The following SAMHD1 variants were observed in gnomAD, a reference collection of about 807,000 sequenced individuals.
The protein encoded by SAMHD1 is SAM and HD domain containing deoxynucleoside triphosphate triphosphohydrolase 1, also known as deoxynucleoside triphosphate triphosphohydrolase SAMHD1.
In SAMHD1, 54 loss-of-function variants were observed where a neutral mutation model predicts 79.6. The ratio of observed to expected loss-of-function variants is 0.68; its 90% CI spans 0.55 to 0.85. SAMHD1 has a LOEUF of 0.85. SAMHD1 is among the 40% of genes least tolerant of loss of function. The pLI is 0.00. For missense variants in SAMHD1, 663 were observed against 782.7 expected, an observed-to-expected ratio of 0.85 and a Z score of 1.82; for synonymous variants, 260 against 264.1, an observed-to-expected ratio of 0.98 and a Z score of 0.15.
chr20:36,934,316 GAGATCAAGA>G (rs1002061329), intron 4 of SAMHD1, among the ~76,000 whole-genome samples: 3 of 151,578 alleles, frequency 2.0e-5, no homozygotes, highest in Non-Finnish European at 4.4e-5. Flanking sequence ...ACAAGGTCAG[GAGATCAAGA>G]CCAGCCTGGC....
intron 6 of SAMHD1, among the ~76,000 whole-genome samples, chr20:36,923,437 AAAAT>A (rs565534034): frequency 3.3e-5 from 5 of 152,230 alleles, no homozygotes; most frequent in East Asian, 1.9e-4. Flanking sequence ...CAATAAAATA[AAAAT>A]AAATAAATAA....
chr20:36,933,734 G>C (rs932272823), intron 4 of SAMHD1, among the ~76,000 whole-genome samples: 21 of 151,916 alleles, frequency 1.4e-4, no homozygotes, highest in Admixed American at 3.3e-4. Flanking sequence ...CAAGTGATCC[G>C]CCTGCCCCGG....
chr20:36,904,819 T>A (rs1031137210), intron 12 of SAMHD1: 3 of 175,822 alleles, frequency 1.7e-5, no homozygotes, highest in African/African-American at 4.8e-5. Flanking sequence ...CAAGAAATTA[T>A]TGAGGTAGGA....
chr20:36,932,458 T>A (rs1186844193), intron 4 of SAMHD1, among the ~76,000 whole-genome samples: 1 of 143,394 alleles, frequency 7.0e-6, no homozygotes, highest in African/African-American at 2.6e-5. Context: ...TTTCGTGTTT[T>A]TTTTTTTTTT....
chr20:36,925,171 GA>G (rs1229061001), intron 6 of SAMHD1, among the ~76,000 whole-genome samples: 3 of 144,726 alleles, frequency 2.1e-5, no homozygotes, highest in African/African-American at 2.5e-5. Context: ...AAAAAAAAAA[GA>G]AAAAAAAAGA....
At chr20:36,930,953 T>A in intron 4 of SAMHD1, 78 bp from the exon 5 acceptor site, 1 of 922,142 alleles carries the variant, frequency 1.1e-6, no homozygotes, top group Non-Finnish European at 1.8e-6. Context: ...AACTTCAGTA[T>A]GTTTCCTTAA....
Position 36,940,747 on chromosome 20 carries a change from T to C in SAMHD1, c.348+292A>G. ...AGGAGGTCTTCAATAGTTTCTAATATTTTGCTCTAAAAATAACAGACTTGA... is the reference window on the plus strand; with the variant it reads ...AGGAGGTCTTCAATAGTTTCTAATACTTTGCTCTAAAAATAACAGACTTGA... On this transcript the variant is annotated intron_variant, in intron 3 of 15. Transcript: ENST00000646673. 8.8e-6 allele frequency: 4 copies of C among 454,910 alleles called. No homozygotes were observed. The South Asian group carries it at 9.3e-5, about 11-fold the overall frequency. The allele number at this position is 454,910 out of a possible 1,614,324, so 28.2% of individuals were successfully genotyped here.
intron 3 of SAMHD1, chr20:36,940,364 G>A (rs1469581382): frequency 6.6e-6 from 1 of 152,212 alleles, no homozygotes; most frequent in African/African-American, 2.4e-5. Context: ...AATTCAGGAA[G>A]ATGCTTATTA....
At position 36,916,572 on chromosome 20, in the gene SAMHD1, A is replaced by G. The variant is rs544078998; in HGVS notation, c.1062+150T>C. On this transcript the variant is annotated intron_variant, in intron 9 of 15. Transcript: ENST00000646673. ...TTTTATTATTATTTAATAATGCAGT[A>G]GAAGGGAAGAGACTAAAGATATTTA... 2.1e-5 allele frequency: 15 copies of G among 712,218 alleles called. No individual in the cohort carries two copies. The Admixed American group carries it at 2.9e-4, about 14-fold the overall frequency. The allele number at this position is 712,218 out of a possible 1,614,324, so 44.1% of individuals were successfully genotyped here. A position where few individuals can be genotyped will look rare whatever the true frequency, so the allele number is the denominator to read the frequency against.
At chr20:36,946,665 A>G (rs565608401) in intron 2 of SAMHD1, 73 bp downstream of exon 2, 113 of 1,132,024 alleles carry the variant, frequency 1.0e-4, no homozygotes, top group Admixed American at 2.5e-4. Context: ...TATATCAGAG[A>G]TTTTGGGCTT....
At chr20:36,932,585 T>C (rs974517492) in intron 4 of SAMHD1, among the ~76,000 whole-genome samples, 11 of 150,206 alleles carry the variant, frequency 7.3e-5, no homozygotes, top group South Asian at 2.1e-4. Context: ...GCCCGGCTGG[T>C]TTTGTATTTT....
chr20:36,910,986 G>A (rs1463053680), intron 11 of SAMHD1, among the ~76,000 whole-genome samples: 1 of 152,134 alleles, frequency 6.6e-6, no homozygotes, highest in Non-Finnish European at 1.5e-5. Flanking sequence ...TGTGTACAGT[G>A]GGTCACACCT....
rs2063734567 is a variant in SAMHD1, at chr20:36,951,543, G to C, written c.101C>G (p.Pro34Arg). Reference sequence around the variant, plus strand: ...GTAGTCGGGATGGAGTTCCAGGCCCGGGGACCAGTCTGCCTCTGCGGAAGG... The same window carrying C: ...GTAGTCGGGATGGAGTTCCAGGCCCCGGGACCAGTCTGCCTCTGCGGAAGG... ...NTPSAEADWSPGLELHPDYKT... is the reference protein window; with the variant it reads ...NTPSAEADWSRGLELHPDYKT... The change falls in exon 1 of 16, where the codon CCG becomes CGG. Residue 34 changes from proline to arginine, a missense_variant. Pro to Arg is a moderately radical substitution (Grantham distance 103). Transcript: ENST00000646673. 1 of 1,614,066 alleles carries C rather than the reference G, an allele frequency of 6.2e-7. No homozygotes were observed. The highest frequency in any genetic ancestry group is 8.5e-7 in the Non-Finnish European group (1 of 1,180,014).
chr20:36,897,625 C>A, intron 15 of SAMHD1, 197 bp downstream of exon 15: 1 of 643,594 alleles, frequency 1.6e-6, no homozygotes, highest in Non-Finnish European at 2.7e-6. Context: ...GTATCCATTC[C>A]CAACTCCTGT....
Position 36,912,469 on chromosome 20 carries a change from A to T in SAMHD1, c.1146T>A (p.Ile382=). 6.2e-7 allele frequency: 1 copy of T among 1,605,144 alleles called. No individual in the cohort carries two copies. The highest frequency in any genetic ancestry group is 2.2e-5 in the East Asian group (1 of 44,822). The change falls in exon 10 of 16, where the codon ATT becomes ATA. Residue 382 remains isoleucine (I), a synonymous_variant. Transcript: ENST00000646673. ...ACAATCAAGTTTCTTACATTGTATC[A>T]ATAATGTTGCCAACTTTGTGTTGAT... ...RAYQHKVGNI[I]DTMITDAFLK...
Position 36,914,080 on chromosome 20 carries a change from T to G in SAMHD1, c.1063-1528A>C, listed in dbSNP as rs368104261. Among the ~76,000 whole-genome samples, 11 of 152,142 alleles carry G rather than the reference T, an allele frequency of 7.2e-5. No homozygotes were observed. The East Asian group carries it at 1.7e-3, about 24-fold the overall frequency. On this transcript the variant is annotated intron_variant, in intron 9 of 15. Transcript: ENST00000646673. ...TTCTTGACTTTCTATAGTATAGTAC[T>G]ATACTACTTTTTGATTACATGACTG...
intron 6 of SAMHD1, among the ~76,000 whole-genome samples, chr20:36,925,337 C>A (rs1446517556): frequency 1.3e-5 from 2 of 152,190 alleles, no homozygotes; most frequent in Non-Finnish European, 2.9e-5. Flanking sequence ...GGACAACTCC[C>A]TGAAGGTCCT....
At chr20:36,908,391 G>C (rs57789402) in intron 11 of SAMHD1, among the ~76,000 whole-genome samples, 1 of 151,702 alleles carries the variant, frequency 6.6e-6, no homozygotes, top group African/African-American at 2.4e-5. Flanking sequence ...CTACAGGCAC[G>C]CACCACCAGG....
chr20:36,944,077 C>CAAAAAAAAAAAAAAA lies in SAMHD1; in HGVS notation c.275+2646_275+2660dup, dbSNP rs542947370. Among the ~76,000 whole-genome samples the CAAAAAAAAAAAAAAA allele has an allele frequency of 3.4e-4, 31 of 89,996 alleles. 1 individual carries two copies. The highest frequency in any genetic ancestry group is 1.2e-3 in the African/African-American group (29 of 24,194). 59.0% of individuals were successfully genotyped at this position (89,996 alleles called of 152,430 possible). A position where few individuals can be genotyped will look rare whatever the true frequency, so the allele number is the denominator to read the frequency against. ...TGAGTGACAGAGCAAGACTCCATCT[C>CAAAAAAAAAAAAAAA]AAAAAAAAAAAAAAAAAAAAGAACT... On this transcript the variant is annotated intron_variant, in intron 2 of 15. Coordinates refer to ENST00000646673, the MANE Select transcript of SAMHD1 (RefSeq NM_015474.4).
Sources: gnomAD v4.1 joint callset for allele counts (sites outside exome capture counted in the v4.1 genomes callset) on GRCh38, gnomAD v4.1.1 for gene constraint, MANE v1.5 for transcripts, NCBI Gene and HGNC (gene_info 2026-07-23, HGNC 2026-07-21) for gene names.